The following CRACR2A variants were observed in gnomAD, a reference collection of about 807,000 sequenced individuals.
CRACR2A encodes EF-hand calcium-binding domain-containing protein 4B.
In CRACR2A, 79 loss-of-function variants were observed where a neutral mutation model predicts 90.5. That is an observed-to-expected ratio of 0.87 (90% confidence interval 0.73 to 1.05). CRACR2A has a LOEUF of 1.05. Among genes scored for constraint, CRACR2A ranks in the 50% least tolerant of loss-of-function variants. The pLI, the probability that CRACR2A is intolerant of heterozygous loss-of-function variation, is 0.00. For missense variants in CRACR2A, 823 were observed against 897.2 expected (o/e 0.92, Z 1.06); for synonymous variants, 338 against 356.7 (o/e 0.95, Z 0.59).
chr12:3,686,732 T>A (rs755088592), intron 4 of CRACR2A, among the ~76,000 whole-genome samples: 26 of 151,982 alleles, frequency 1.7e-4, no homozygotes, highest in Non-Finnish European at 2.9e-4. Context: ...CTACCCCAAT[T>A]CTGTCTGGAG....
At chr12:3,626,216 T>TGCAAAACTACAGAGAAACTG (rs368803671) in intron 17 of CRACR2A, among the ~76,000 whole-genome samples, 4,214 of 152,150 alleles carry the variant, frequency 0.028, 69 homozygotes, top group African/African-American at 0.043. Context: ...GACCCAGACA[T>TGCAAAACTACAGAGAAACTG]GCAAAACTAC....
At position 3,619,463 on chromosome 12, in the gene CRACR2A, C is replaced by T. The variant is rs1314953802; in HGVS notation, c.1933-91G>A. 6 of 971,130 alleles carry T rather than the reference C, an allele frequency of 6.2e-6. No individual in the cohort carries two copies. In the East Asian group the frequency reaches 7.9e-5, roughly 13 times the overall value. 60.2% of individuals were successfully genotyped at this position (971,130 alleles called of 1,614,324 possible). ...AATGCCGGCTGGACAGATGGGACCT[C>T]GCTTGAGAATCCCCTGCTGCCATAA... On this transcript the variant is annotated intron_variant, in intron 17 of 19. Coordinates refer to ENST00000440314, the MANE Select transcript of CRACR2A (RefSeq NM_001144958.2).
At chr12:3,654,459 G>T (rs1944863022) in intron 9 of CRACR2A, 60 bp from the exon 10 acceptor site, 2 of 1,498,200 alleles carry the variant, frequency 1.3e-6, no homozygotes, top group Non-Finnish European at 8.9e-7. Context: ...AGGAGGGCCT[G>T]CCCTGGCCTC....
chr12:3,725,024 A>G (rs1372588275), intron 2 of CRACR2A, among the ~76,000 whole-genome samples: 3 of 152,172 alleles, frequency 2.0e-5, no homozygotes, highest in Admixed American at 2.0e-4. Context: ...TTGGTTCTCC[A>G]CAGAATCAGT....
intron 17 of CRACR2A, among the ~76,000 whole-genome samples, chr12:3,620,752 A>G (rs1944114485): frequency 6.6e-6 from 1 of 152,206 alleles, no homozygotes; most frequent in African/African-American, 2.4e-5. Flanking sequence ...AATGGTATCT[A>G]TTGGTCAGAT....
At chr12:3,670,109 TG>T (rs756572443) in intron 7 of CRACR2A, among the ~76,000 whole-genome samples, 17 of 152,332 alleles carry the variant, frequency 1.1e-4, no homozygotes, top group Non-Finnish European at 1.5e-4. Flanking sequence ...ATGTTCCCTT[TG>T]CTTAACTCAG....
chr12:3,727,139 G>C (rs1338040285), intron 2 of CRACR2A: 2 of 128,160 alleles, frequency 1.6e-5, no homozygotes, highest in Non-Finnish European at 3.2e-5. Flanking sequence ...TGGCAACAGA[G>C]TGAGACTCTG....
chr12:3,616,308 C>T (rs963718981), intron 19 of CRACR2A, among the ~76,000 whole-genome samples: 7 of 152,144 alleles, frequency 4.6e-5, no homozygotes, highest in South Asian at 2.1e-4. Flanking sequence ...ATTTGCTGGA[C>T]GGATGAATAG....
intron 7 of CRACR2A, among the ~76,000 whole-genome samples, chr12:3,672,222 C>G (rs909061470): frequency 1.3e-5 from 2 of 152,208 alleles, no homozygotes; most frequent in Non-Finnish European, 2.9e-5. Flanking sequence ...AGACACAAGA[C>G]GAAAAGGAGC....
intron 2 of CRACR2A, among the ~76,000 whole-genome samples, chr12:3,722,551 G>A (rs551635083): frequency 8.6e-5 from 13 of 151,722 alleles, no homozygotes; most frequent in South Asian, 4.2e-4. Context: ...CTGGGAGGCC[G>A]TATGGAGGTA....
rs908598635 is a variant in CRACR2A at position 3,648,348 on chromosome 12, G to A, written c.1118+194C>T. The A allele has an allele frequency of 9.3e-6, 14 of 1,497,912 alleles. No homozygotes were observed. The Admixed American group carries it at 2.8e-4, about 30-fold the overall frequency. 92.8% of individuals were successfully genotyped at this position (1,497,912 alleles called of 1,614,324 possible). On this transcript the variant is annotated intron_variant, in intron 11 of 19. Transcript: ENST00000440314. ...AGGAATAAACTGGATGTGGGCGCAT[G>A]TGTAAACGGACCAAACATAATAGAG...
rs1946557241 is a variant in CRACR2A, at chr12:3,743,259, T to C, written c.-387+9756A>G. Among the ~76,000 whole-genome samples the C allele has an allele frequency of 1.3e-5, 2 of 152,272 alleles. 1 individual carries two copies. Among genetic ancestry groups the C allele is most frequent in the South Asian group, 4.1e-4 (2 of 4,836 alleles). ...CATTGACACTCATTTTACCTGGCAG[T>C]TCCTTTTTGTGTCTCTGGTTCCACT... On this transcript the variant is annotated intron_variant, in intron 1 of 19. Coordinates refer to ENST00000440314, the MANE Select transcript of CRACR2A (RefSeq NM_001144958.2).
At chr12:3,723,262 G>A (rs1946210891) in intron 2 of CRACR2A, among the ~76,000 whole-genome samples, 1 of 152,170 alleles carries the variant, frequency 6.6e-6, no homozygotes, top group African/African-American at 2.4e-5. Context: ...TTGGAGCTAT[G>A]TGTGGACCGC....
intron 4 of CRACR2A, among the ~76,000 whole-genome samples, chr12:3,696,051 G>A (rs1449870676): frequency 1.3e-5 from 2 of 152,182 alleles, no homozygotes; most frequent in South Asian, 2.1e-4. Context: ...GGTGACACAT[G>A]GAAATTATAT....
At chr12:3,683,612 A>G (rs1945496653) in intron 4 of CRACR2A, among the ~76,000 whole-genome samples, 1 of 152,142 alleles carries the variant, frequency 6.6e-6, no homozygotes, top group Non-Finnish European at 1.5e-5. Context: ...AAGCTCCCCA[A>G]ACTACCTTTC....
chr12:3,677,410 G>A (rs371105099), intron 6 of CRACR2A, among the ~76,000 whole-genome samples: 1 of 145,100 alleles, frequency 6.9e-6, no homozygotes, highest in Non-Finnish European at 1.5e-5. Context: ...CCTCTTCTTC[G>A]GGACATCTCA....
In CRACR2A at chr12:3,624,851, C is replaced by G. The variant is rs548613010; in HGVS notation, c.1932+2585G>C. On this transcript the variant is annotated intron_variant, in intron 17 of 19. Transcript: ENST00000440314. ...ATTTTAAGAAGTTCCCCAGGAGAGT[C>G]CTATATATGTTAGGGTTCAAGGAGC... 4.6e-5 allele frequency among the ~76,000 whole-genome samples: 7 copies of G among 152,218 alleles called. No homozygotes were observed. In the South Asian group the frequency reaches 1.4e-3, roughly 32 times the overall value.
At chr12:3,619,572 GTGCCTGAGGCC>G (rs1867773764) in intron 17 of CRACR2A, among the ~76,000 whole-genome samples, 200 bp from the exon 18 acceptor site, 1 of 147,354 alleles carries the variant, frequency 6.8e-6, no homozygotes, top group Non-Finnish European at 1.5e-5. Flanking sequence ...CTTTTGCAAG[GTGCCTGAGGCC>G]TGCCTGTGGT....
chr12:3,654,303 G>A lies in CRACR2A; in HGVS notation c.955C>T (p.Leu319=), dbSNP rs140276613. ...TGGAGCTCCCAGGAAGTCCGCTCCA[G>A]CTCCCGGGCCAGCTCCTGGTTAGTG... ...KLTNQELARE[L]ERTSWELQDA... is the part of the protein sequence containing the mutation. The change falls in exon 10 of 20, where the codon CTG becomes TTG. Residue 319 remains leucine, a synonymous_variant. Coordinates refer to ENST00000440314, the MANE Select transcript of CRACR2A (RefSeq NM_001144958.2). 25 of 1,613,872 alleles carry A rather than the reference G, an allele frequency of 1.5e-5. No homozygotes were observed. The highest frequency in any genetic ancestry group is 1.9e-5 in the Non-Finnish European group (23 of 1,179,974).
Sources: allele counts gnomAD v4.1 joint callset (sites outside exome capture counted in the v4.1 genomes callset), GRCh38; gene constraint gnomAD v4.1.1; transcripts MANE v1.5; gene names NCBI Gene and HGNC (gene_info 2026-07-23, HGNC 2026-07-21).